ABL1: variants seen among roughly 807,000 people sequenced by gnomAD.
The protein encoded by ABL1 is tyrosine-protein kinase ABL1.
In ABL1, 11 loss-of-function variants were observed where a neutral mutation model predicts 94.7. The ratio of observed to expected loss-of-function variants is 0.12; its 90% CI spans 0.07 to 0.19. The LOEUF (loss-of-function observed/expected upper bound fraction) is 0.19. ABL1 is among the 10% of genes least tolerant of loss of function. The probability of loss-of-function intolerance (pLI) is 1.00; values close to 1 mark genes in which losing one functional copy is unlikely to be tolerated. For synonymous variants in ABL1, 656 were observed against 622.4 expected, an observed-to-expected ratio of 1.05 and a Z score of -0.80; for missense variants, 1,082 against 1,489.4, an observed-to-expected ratio of 0.73 and a Z score of 4.50.
intron 1 of ABL1, among the ~76,000 whole-genome samples, chr9:130,785,134 G>A (rs9696884): frequency 0.11 from 17,276 of 152,246 alleles, 1,045 homozygotes; most frequent in Admixed American, 0.15. Flanking sequence ...CTGGCGAGGT[G>A]TTAGGCTTTG....
intron 4 of ABL1, among the ~76,000 whole-genome samples, chr9:130,865,196 T>A (rs1282020858): frequency 6.6e-6 from 1 of 152,206 alleles, no homozygotes; most frequent in Non-Finnish European, 1.5e-5. Flanking sequence ...CCTAATTAAC[T>A]TACGATCTCA....
Position 130,887,463 on chromosome 9 carries a change from CGTATCTCTTGGTATGCATCTTTTATAG to C in ABL1, c.*1781_*1807del. On this transcript the variant is annotated 3_prime_UTR_variant, in exon 11 of 11. Transcript: ENST00000318560. ...ACGTGATGTGCCACTATATTTTACACGTATCTCTTGGTATGCATCTTTTATAGACGCTCTTTTCTAAGTGGCGTGTGC... is the reference window on the plus strand; with the variant it reads ...ACGTGATGTGCCACTATATTTTACACACGCTCTTTTCTAAGTGGCGTGTGC... 1 of 233,302 alleles carries C rather than the reference CGTATCTCTTGGTATGCATCTTTTATAG, an allele frequency of 4.3e-6. No individual in the cohort carries two copies. The highest frequency in any genetic ancestry group is 6.0e-5 in the East Asian group (1 of 16,550). The allele number at this position is 233,302 out of a possible 1,614,324, so 14.5% of individuals were successfully genotyped here.
At chr9:130,752,057 T>A (rs920425412) in intron 1 of ABL1, among the ~76,000 whole-genome samples, 1 of 152,218 alleles carries the variant, frequency 6.6e-6, no homozygotes, top group African/African-American at 2.4e-5. Flanking sequence ...ATGGGTATAA[T>A]GTAGGGATGC....
At chr9:130,883,116 G>T (rs759538238) in intron 10 of ABL1, among the ~76,000 whole-genome samples, 6 of 152,162 alleles carry the variant, frequency 3.9e-5, no homozygotes, top group Non-Finnish European at 8.8e-5. Flanking sequence ...CTACAGCACT[G>T]TTGTGAGAAT....
At chr9:130,852,297 C>T (rs559486808) in intron 1 of ABL1, among the ~76,000 whole-genome samples, 16 of 152,266 alleles carry the variant, frequency 1.1e-4, no homozygotes, top group Non-Finnish European at 1.6e-4. Flanking sequence ...TCAAGCGATT[C>T]TCCTACCTCA....
rs756799646 is a variant in ABL1, at chr9:130,883,985, G to A, written c.1695G>A (p.Glu565=). 2.5e-6 allele frequency: 4 copies of A among 1,612,554 alleles called. No homozygotes were observed. The East Asian group carries it at 6.7e-5, about 27-fold the overall frequency. ...GQGESDPLDH[E]PAVSPLLPRK... ...GCGTTTCAGATCCTCTGGACCATGA[G>A]CCTGCCGTGTCTCCATTGCTCCCTC... Residue 565 remains glutamate (E), a synonymous_variant, in exon 11 of 11, where the codon GAG becomes GAA. Coordinates refer to ENST00000318560, the MANE Select transcript of ABL1 (RefSeq NM_005157.6).
chr9:130,814,272 C>A lies in ABL1; in HGVS notation c.137-39792C>A, dbSNP rs930372101. ...ATTGCACTCCACCCTAGCGACAGAA[C>A]GAGACTCCGTCTCAAAAAAAAAAGA... On this transcript the variant is annotated intron_variant, in intron 1 of 10. Transcript: ENST00000372348. This position sits in a 1 kb window ranked among gnomAD's most constrained non-coding sequence, Gnocchi z 4.4. Among the ~76,000 whole-genome samples the A allele has an allele frequency of 6.7e-6, 1 of 148,528 alleles. No individual in the cohort carries two copies. Among genetic ancestry groups the A allele is most frequent in the Admixed American group, 6.8e-5 (1 of 14,800 alleles).
rs946405312 is a variant in ABL1 at position 130,878,349 on chromosome 9, T to C, written c.1271-66T>C. ...TGAGGTCTGCTGCAAAGGTAACTGA[T>C]TTTAAATGTAGTGTAGTGAAATGCT... On this transcript the variant is annotated intron_variant, in intron 7 of 10. Coordinates refer to ENST00000318560, the MANE Select transcript of ABL1 (RefSeq NM_005157.6). 4 of 1,578,404 alleles carry C rather than the reference T, an allele frequency of 2.5e-6. No homozygotes were observed. In the African/African-American group the frequency reaches 5.4e-5, roughly 21 times the overall value.
rs567361008 is a variant in ABL1, at chr9:130,786,833, A to G, written c.137-67231A>G. ...ATTCACTTTAAAGTTCTGTTATGAT[A>G]TAGTAACTTAATAAGTGAAAAAAAC... On this transcript the variant is annotated intron_variant, in intron 1 of 10. Coordinates refer to the ABL1 transcript ENST00000372348. 5.9e-5 allele frequency among the ~76,000 whole-genome samples: 9 copies of G among 152,352 alleles called. No individual in the cohort carries two copies. The South Asian group carries it at 8.3e-4, about 14-fold the overall frequency.
chr9:130,736,127 T>G (rs930191048), intron 1 of ABL1, among the ~76,000 whole-genome samples: 14 of 151,526 alleles, frequency 9.2e-5, no homozygotes, highest in Non-Finnish European at 1.8e-4. Context: ...GGCTGTTTTT[T>G]GTATTTTTTG....
At chr9:130,781,414 C>T (rs113001839) in intron 1 of ABL1, among the ~76,000 whole-genome samples, 7 of 152,258 alleles carry the variant, frequency 4.6e-5, no homozygotes, top group Non-Finnish European at 8.8e-5. Flanking sequence ...GGACTCCTCC[C>T]GCAATGTCAC....
exon 1 of ABL1, among the ~76,000 whole-genome samples, chr9:130,713,101 G>T (rs1028319728): frequency 6.6e-6 from 1 of 152,242 alleles, no homozygotes; most frequent in African/African-American, 2.4e-5. Context: ...TGGAGCCGGA[G>T]CCGGTTCCCG....
At position 130,884,251 on chromosome 9, in the gene ABL1, C is replaced by A. The variant is rs758297942; in HGVS notation, c.1961C>A (p.Ala654Asp). The change falls in exon 11 of 11, where the codon GCT becomes GAT. Residue 654 changes from alanine to aspartate, a missense_variant. Physicochemically the swap from Ala to Asp is moderately radical, Grantham distance 126. This residue lies in a region of ABL1 where 780 missense variants were observed against 835.8 expected (regional missense o/e 0.93). Transcript: ENST00000318560. The surrounding 1 kb of genome is among the most constrained non-coding windows in gnomAD (Gnocchi z 5.6). ...CTGGCTTTCACCCCCTTGGACACAG[C>A]TGACCCAGCCAAGTCCCCAAAGCCC... The part of the protein sequence containing the change: ...GALAFTPLDT[A>D]DPAKSPKPSN... The A allele has an allele frequency of 1.6e-5, 26 of 1,599,350 alleles. No homozygotes were observed. Among genetic ancestry groups the A allele is most frequent in the Non-Finnish European group, 2.2e-5 (26 of 1,173,156 alleles).
chr9:130,775,512 T>G (rs1832300485), intron 1 of ABL1, among the ~76,000 whole-genome samples: 1 of 152,092 alleles, frequency 6.6e-6, no homozygotes, highest in African/African-American at 2.4e-5. Context: ...TTTAACAAGT[T>G]AGACACAACT....
At chr9:130,715,866 C>T (rs1831430686) in intron 1 of ABL1, among the ~76,000 whole-genome samples, 1 of 152,034 alleles carries the variant, frequency 6.6e-6, no homozygotes, top group African/African-American at 2.4e-5. Flanking sequence ...TAATAGAGTA[C>T]CAAGGTCTTG....
chr9:130,726,276 A>G (rs572639807), intron 1 of ABL1, among the ~76,000 whole-genome samples: 1 of 152,340 alleles, frequency 6.6e-6, no homozygotes, highest in African/African-American at 2.4e-5. Flanking sequence ...CTTAAGAAGT[A>G]GAAAATTGTG....
intron 8 of ABL1, among the ~76,000 whole-genome samples, chr9:130,879,385 C>T (rs1228292629): frequency 6.6e-6 from 1 of 152,204 alleles, no homozygotes; most frequent in African/African-American, 2.4e-5. Context: ...TACTCCATTT[C>T]ACTCATTCAT....
intron 7 of ABL1, among the ~76,000 whole-genome samples, chr9:130,877,550 A>C (rs1177064499): frequency 1.4e-5 from 2 of 147,406 alleles, no homozygotes; most frequent in Admixed American, 1.3e-4. Context: ...CATTACCTAA[A>C]AGACCCCACA....
intron 1 of ABL1, among the ~76,000 whole-genome samples, chr9:130,740,819 A>ATTTTTTT (rs34323373): frequency 1.7e-4 from 17 of 97,836 alleles, no homozygotes; most frequent in South Asian, 3.9e-4. Context: ...CCACACCCAG[A>ATTTTTTT]TTTTTTTTTT....
Sources: allele counts gnomAD v4.1 joint callset (sites outside exome capture counted in the v4.1 genomes callset), GRCh38; gene constraint gnomAD v4.1.1; regional missense constraint gnomAD v4.1.1; non-coding constraint Gnocchi (gnomAD v3.1); transcripts MANE v1.5; gene names NCBI Gene and HGNC (gene_info 2026-07-23, HGNC 2026-07-21).